MAP4: variants seen among roughly 807,000 people sequenced by gnomAD.
MAP4 encodes microtubule-associated protein 4.
Under a neutral mutation model 170.2 loss-of-function variants are expected in MAP4, and 76 were observed. The ratio of observed to expected loss-of-function variants is 0.45; its 90% confidence interval spans 0.37 to 0.54. The LOEUF (loss-of-function observed/expected upper bound fraction) is 0.54, where lower values mean the gene tolerates loss of function less well. MAP4 is among the 20% of genes least tolerant of loss of function. MAP4 has a pLI of 0.00. For missense variants in MAP4, 2,506 were observed against 2,748.0 expected, an observed-to-expected ratio of 0.91 and a Z score of 1.97; for synonymous variants, 909 against 994.5, an observed-to-expected ratio of 0.91 and a Z score of 1.62.
chr3:47,950,123 CTCTT>C (rs1294214267), intron 3 of MAP4, among the ~76,000 whole-genome samples: 1 of 152,188 alleles, frequency 6.6e-6, no homozygotes, highest in Non-Finnish European at 1.5e-5. Flanking sequence ...TCCAATCTGT[CTCTT>C]TCTTTCATAC....
rs1334146232 is a variant in MAP4 at position 47,870,852 on chromosome 3, G to C, written c.6255C>G (p.Gly2085=). The C allele has an allele frequency of 1.9e-6, 3 of 1,595,622 alleles. No homozygotes were observed. Among genetic ancestry groups the C allele is most frequent in the Non-Finnish European group, 2.6e-6 (3 of 1,168,914 alleles). ...PDLKNVRSKV[G]STENIKHQPG... is the part of the protein sequence containing the mutation. ...GCTGATGCTTGATGTTTTCCGTGGAGCCAACCTTGGAGCGGACATTCTTCA... is the reference window on the plus strand; with the variant it reads ...GCTGATGCTTGATGTTTTCCGTGGACCCAACCTTGGAGCGGACATTCTTCA... Residue 2085 remains glycine, a synonymous_variant, in exon 15 of 21, where the codon GGC becomes GGG. Transcript: ENST00000683076.
chr3:48,020,509 G>A (rs1435668175), upstream of MAP4, among the ~76,000 whole-genome samples: 1 of 152,122 alleles, frequency 6.6e-6, no homozygotes, highest in African/African-American at 2.4e-5. Context: ...CAAACTCTAT[G>A]GGAGTACTTA....
chr3:47,976,240 T>C (rs1446305678), intron 3 of MAP4, among the ~76,000 whole-genome samples: 1 of 152,180 alleles, frequency 6.6e-6, no homozygotes, highest in African/African-American at 2.4e-5. Flanking sequence ...CCAGGTTCTT[T>C]TTTGTCACAA....
intron 10 of MAP4, among the ~76,000 whole-genome samples, chr3:47,879,377 G>GT (rs1189706402): frequency 6.6e-6 from 1 of 152,110 alleles, no homozygotes; most frequent in Non-Finnish European, 1.5e-5. Flanking sequence ...ACAGAACAAC[G>GT]TTTTTGAGGG....
chr3:47,856,623 C>T (rs2056987379), intron 18 of MAP4, among the ~76,000 whole-genome samples: 1 of 152,180 alleles, frequency 6.6e-6, no homozygotes, highest in African/African-American at 2.4e-5. Context: ...GACAGGGTTT[C>T]ACCATGTTGG....
chr3:47,863,045 C>T (rs1417692718), intron 17 of MAP4, among the ~76,000 whole-genome samples: 5 of 151,166 alleles, frequency 3.3e-5, no homozygotes, highest in African/African-American at 9.7e-5. Flanking sequence ...GGCACAATCT[C>T]GGCTCACCAT....
Position 47,910,376 on chromosome 3 carries a change from C to T in MAP4, c.4045G>A (p.Ala1349Thr). 6.5e-7 allele frequency: 1 copy of T among 1,537,518 alleles called. No individual in the cohort carries two copies. The highest frequency in any genetic ancestry group is 8.7e-7 in the Non-Finnish European group (1 of 1,147,034). The change falls in exon 9 of 21, where the codon GCC (alanine) becomes ACC (threonine). Residue 1349 changes from alanine (A) to threonine (T), a missense_variant. Physicochemically the swap from Ala to Thr is moderately conservative, Grantham distance 58. This residue lies in a region of MAP4 where 2,008 missense variants were observed against 2,206.0 expected (regional missense o/e 0.91). Coordinates refer to ENST00000683076, the MANE Select transcript of MAP4 (RefSeq NM_001385682.1). The part of the protein sequence containing the change: ...VVSEENKTDA[A>T]NRYTAVADKP... Reference sequence around the variant, plus strand: ...TCAGCCACTGCAGTGTATCTATTGGCTGCATCTGTCTTATTCTCCTCAGAT... The same window carrying T: ...TCAGCCACTGCAGTGTATCTATTGGTTGCATCTGTCTTATTCTCCTCAGAT...
intron 13 of MAP4, 114 bp from the exon 14 acceptor site, chr3:47,871,400 G>A: frequency 1.1e-6 from 1 of 908,072 alleles, no homozygotes; most frequent in Admixed American, 1.9e-5. Context: ...CTTTGAGCCA[G>A]GGACTGTGTT....
intron 4 of MAP4, among the ~76,000 whole-genome samples, chr3:47,926,806 G>A (rs2153770489): frequency 6.6e-6 from 1 of 152,272 alleles, no homozygotes; most frequent in Middle Eastern, 3.4e-3. Context: ...AAAGTGCTGG[G>A]ATTACAGGCA....
At chr3:47,948,903 G>C (rs948637986) in intron 3 of MAP4, among the ~76,000 whole-genome samples, 1 of 152,114 alleles carries the variant, frequency 6.6e-6, no homozygotes, top group Non-Finnish European at 1.5e-5. Flanking sequence ...TTATAGGCGT[G>C]AGCCACTGCG....
Position 47,874,194 on chromosome 3 carries a change from G to A in MAP4, c.5757+1491C>T, listed in dbSNP as rs183951581. On this transcript the variant is annotated intron_variant, in intron 12 of 20. Transcript: ENST00000683076. ...TAAAAGAGATTAGAACAGGACTGGC[G>A]CGGTGGCTCATGCCTGTAATCCCAG... 4.9e-3 allele frequency among the ~76,000 whole-genome samples: 746 copies of A among 152,248 alleles called. 5 individuals carry two copies. The highest frequency in any genetic ancestry group is 5.1e-3 in the Non-Finnish European group (349 of 68,030).
intron 1 of MAP4, among the ~76,000 whole-genome samples, chr3:48,050,639 T>G (rs1579569036): frequency 6.7e-6 from 1 of 149,542 alleles, no homozygotes; most frequent in Admixed American, 6.7e-5. Flanking sequence ...ACGTGCGCGG[T>G]GGCCCACAAC....
chr3:48,071,339 C>T (rs2100140927), intron 1 of MAP4, among the ~76,000 whole-genome samples: 2 of 150,588 alleles, frequency 1.3e-5, no homozygotes, highest in South Asian at 2.1e-4. Flanking sequence ...CTCAGGAGTT[C>T]GAGACCAGCC....
Position 48,048,854 on chromosome 3 carries a change from T to C in MAP4, c.-20+39919A>G, listed in dbSNP as rs115011283. ...TTTCTAAGCAGTTTTGTCTCATGTA[T>C]AGATTTTTATAACCACAACTGCAAT... On this transcript the variant is annotated intron_variant, in intron 1 of 18. Transcript: ENST00000360240. Among the ~76,000 whole-genome samples the C allele has an allele frequency of 2.8e-3, 428 of 152,300 alleles. 1 individual carries two copies. Among genetic ancestry groups the C allele is most frequent in the Non-Finnish European group, 4.9e-3 (333 of 68,028 alleles).
chr3:47,862,698 C>T (rs890481457), intron 17 of MAP4, among the ~76,000 whole-genome samples: 24 of 152,068 alleles, frequency 1.6e-4, no homozygotes, highest in Admixed American at 1.4e-3. Flanking sequence ...AGGATGGTCT[C>T]GATCTCCTGA....
At chr3:47,998,511 G>A (rs1358131553) in intron 2 of MAP4, 127 bp downstream of exon 2, 1 of 728,544 alleles carries the variant, frequency 1.4e-6, no homozygotes, top group African/African-American at 1.8e-5. Flanking sequence ...ATCTAACAAA[G>A]AAACATAAAG....
chr3:47,929,544 T>C (rs1261638861), intron 3 of MAP4, among the ~76,000 whole-genome samples: 134 of 141,542 alleles, frequency 9.5e-4, no homozygotes, highest in Non-Finnish European at 4.8e-4. Context: ...CAGAAACAAT[T>C]GGACACTGAC....
chr3:47,995,615 G>GC (rs1004060409), intron 2 of MAP4, among the ~76,000 whole-genome samples: 14 of 151,898 alleles, frequency 9.2e-5, no homozygotes, highest in Non-Finnish European at 1.3e-4. Flanking sequence ...GTTGTGGTCT[G>GC]CCCCCCCTCC....
chr3:48,044,101 C>T (rs1267108798), intron 1 of MAP4, among the ~76,000 whole-genome samples: 1 of 151,530 alleles, frequency 6.6e-6, no homozygotes, highest in Non-Finnish European at 1.5e-5. Context: ...ACCTAAGCCT[C>T]CCAAAGTGCT....
Sources: gnomAD v4.1 joint callset for allele counts (sites outside exome capture counted in the v4.1 genomes callset) on GRCh38, gnomAD v4.1.1 for gene constraint, gnomAD v4.1.1 regional missense constraint, MANE v1.5 for transcripts, NCBI Gene and HGNC (gene_info 2026-07-23, HGNC 2026-07-21) for gene names.